The following PRDM16 variants were observed in gnomAD, a reference collection of about 807,000 sequenced individuals.
The protein encoded by PRDM16 is histone-lysine N-methyltransferase PRDM16.
In PRDM16, 23 loss-of-function variants were observed where a neutral mutation model predicts 110.6. The ratio of observed to expected loss-of-function variants is 0.21; its 90% CI spans 0.15 to 0.29. The LOEUF is 0.29. Among genes scored for constraint, PRDM16 ranks in the 10% least tolerant of loss-of-function variants. The pLI, the probability that PRDM16 is intolerant of heterozygous loss-of-function variation, is 1.00. For missense variants in PRDM16, 1,615 were observed against 1,794.3 expected (o/e 0.90, Z 1.81); for synonymous variants, 799 against 781.8 (o/e 1.02, Z -0.37).
chr1:3,286,003 A>G (rs1330065897), intron 3 of PRDM16, among the ~76,000 whole-genome samples: 1 of 152,212 alleles, frequency 6.6e-6, no homozygotes, highest in Non-Finnish European at 1.5e-5. Flanking sequence ...TAAATTGATC[A>G]TATTGTGCTG....
At chr1:3,285,461 T>C (rs946089828) in intron 3 of PRDM16, among the ~76,000 whole-genome samples, 1 of 152,176 alleles carries the variant, frequency 6.6e-6, no homozygotes, top group Admixed American at 6.5e-5. Flanking sequence ...AGCCGCTGTG[T>C]CGCCCCCACT....
At chr1:3,311,454 G>T (rs572811026) in intron 3 of PRDM16, among the ~76,000 whole-genome samples, 3 of 152,316 alleles carry the variant, frequency 2.0e-5, no homozygotes, top group African/African-American at 7.2e-5. Context: ...ATCTGGCCCC[G>T]CCATGAAGCC....
intron 3 of PRDM16, among the ~76,000 whole-genome samples, chr1:3,335,631 A>ACACACACCCACACC (rs1642129843): frequency 2.6e-5 from 4 of 152,080 alleles, no homozygotes; most frequent in African/African-American, 9.6e-5. Context: ...ACACACACAC[A>ACACACACCCACACC]CACACACACA....
chr1:3,151,807 G>A (rs1643780286), intron 1 of PRDM16, among the ~76,000 whole-genome samples: 2 of 152,264 alleles, frequency 1.3e-5, no homozygotes, highest in Admixed American at 1.3e-4. Flanking sequence ...GGCAGGGTCA[G>A]CTTTCACCCT....
In PRDM16 at chr1:3,255,113, G is replaced by A. The variant is rs893774528; in HGVS notation, c.438+10976G>A. On this transcript the variant is annotated intron_variant, in intron 3 of 16. Transcript: ENST00000270722. This position sits in a 1 kb window ranked among gnomAD's most constrained non-coding sequence, Gnocchi z 4.7. ...AAAACTGGCTAGCCATATGTAGAAA[G>A]CTGAAACTGGATCCCTTCCTTACAC... Among the ~76,000 whole-genome samples the A allele has an allele frequency of 2.0e-5, 3 of 151,894 alleles. No individual in the cohort carries two copies. The highest frequency in any genetic ancestry group is 4.4e-5 in the Non-Finnish European group (3 of 67,980).
At chr1:3,302,981 G>A (rs888523273) in intron 3 of PRDM16, among the ~76,000 whole-genome samples, 2 of 151,986 alleles carry the variant, frequency 1.3e-5, no homozygotes, top group African/African-American at 4.8e-5. Flanking sequence ...GGTATAATGA[G>A]GCTCAACTGT....
At position 3,339,223 on chromosome 1, in the gene PRDM16, T is replaced by C. The variant is rs1450460699; in HGVS notation, c.439-45929T>C. On this transcript the variant is annotated intron_variant, in intron 3 of 16. Transcript: ENST00000270722. This position sits in a 1 kb window ranked among gnomAD's most constrained non-coding sequence, Gnocchi z 5.0. The stretch of plus-strand genomic sequence containing the variant: ...CTGCTGAAAGCCGAACCACGTTTTG[T>C]GGGATACTGCCCCCGAGGGAGACAG... 6.6e-6 allele frequency among the ~76,000 whole-genome samples: 1 copy of C among 152,080 alleles called. No homozygotes were observed. Among genetic ancestry groups the C allele is most frequent in the Non-Finnish European group, 1.5e-5 (1 of 68,002 alleles).
chr1:3,113,547 C>T (rs1202566387), intron 1 of PRDM16, among the ~76,000 whole-genome samples: 1 of 152,182 alleles, frequency 6.6e-6, no homozygotes, highest in South Asian at 2.1e-4. Flanking sequence ...GAGGCCTGAG[C>T]CAGCGGGAGG....
intron 4 of PRDM16, among the ~76,000 whole-genome samples, chr1:3,391,209 C>A (rs116102251): frequency 6.6e-6 from 1 of 152,088 alleles, no homozygotes; most frequent in African/African-American, 2.4e-5. Context: ...TCCCACCATG[C>A]GACACAGTTT....
intron 1 of PRDM16, among the ~76,000 whole-genome samples, chr1:3,094,879 G>A (rs1204607639): frequency 6.8e-6 from 1 of 146,116 alleles, no homozygotes; most frequent in Non-Finnish European, 1.5e-5. Context: ...ATGAGTGCCA[G>A]GTGTGTCTTC....
At chr1:3,276,868 C>T (rs1032772436) in intron 3 of PRDM16, among the ~76,000 whole-genome samples, 8 of 152,184 alleles carry the variant, frequency 5.3e-5, no homozygotes, top group African/African-American at 1.2e-4. Context: ...GGAAAGAGAG[C>T]GAGCCCTAAA....
intron 1 of PRDM16, among the ~76,000 whole-genome samples, chr1:3,084,235 G>T (rs1642097596): frequency 6.6e-6 from 1 of 152,200 alleles, no homozygotes; most frequent in Non-Finnish European, 1.5e-5. Flanking sequence ...TACCCCTCGG[G>T]TGGGGCAGGT....
chr1:3,301,991 G>A (rs540259245), intron 3 of PRDM16, among the ~76,000 whole-genome samples: 62 of 152,176 alleles, frequency 4.1e-4, no homozygotes, highest in Non-Finnish European at 7.9e-4. Context: ...ACATGAGAGT[G>A]CAGTTTGTTC....
intron 1 of PRDM16, among the ~76,000 whole-genome samples, chr1:3,151,771 C>T (rs531201123): frequency 7.9e-5 from 12 of 152,342 alleles, no homozygotes; most frequent in African/African-American, 2.2e-4. Context: ...TCTCCACTCC[C>T]GGAGAAGAGA....
chr1:3,314,077 G>GT lies in PRDM16; in HGVS notation c.438+69940_438+69941insT, dbSNP rs1557600964. 1.9e-4 allele frequency among the ~76,000 whole-genome samples: 29 copies of GT among 151,036 alleles called. 3 individuals are homozygous for GT. Among genetic ancestry groups the GT allele is most frequent in the African/African-American group, 2.7e-4 (11 of 40,566 alleles). On this transcript the variant is annotated intron_variant, in intron 3 of 16. Coordinates refer to ENST00000270722, the MANE Select transcript of PRDM16 (RefSeq NM_022114.4). ...GAATGCCGTCCTTCCCCACCGGGGG[G>GT]GGGGGCGGGAACATAAAATGGACCC...
Position 3,201,979 on chromosome 1 carries a change from T to C in PRDM16, c.387+15505T>C, listed in dbSNP as rs1638640033. On this transcript the variant is annotated intron_variant, in intron 2 of 16. Transcript: ENST00000270722. This position sits in a 1 kb window ranked among gnomAD's most constrained non-coding sequence, Gnocchi z 4.1. Reference sequence around the variant, plus strand: ...CTTCAGTGGTGCCCGTACATAATAGTGGGTCCCACACGTCCATGAGGCAGG... The same window carrying C: ...CTTCAGTGGTGCCCGTACATAATAGCGGGTCCCACACGTCCATGAGGCAGG... 6.6e-6 allele frequency among the ~76,000 whole-genome samples: 1 copy of C among 152,176 alleles called. No individual in the cohort carries two copies. The highest frequency in any genetic ancestry group is 1.5e-5 in the Non-Finnish European group (1 of 68,038).
intron 1 of PRDM16, among the ~76,000 whole-genome samples, chr1:3,096,069 G>A (rs1478365973): frequency 1.3e-5 from 2 of 152,118 alleles, no homozygotes; most frequent in African/African-American, 4.8e-5. Context: ...CTGGCTGCCT[G>A]TCACCCCTGG....
chr1:3,413,365 G>T (rs946627322), intron 9 of PRDM16, among the ~76,000 whole-genome samples: 1 of 152,124 alleles, frequency 6.6e-6, no homozygotes, highest in Non-Finnish European at 1.5e-5. Flanking sequence ...GGGAGGAGGA[G>T]GCGAGGGATG....
intron 1 of PRDM16, among the ~76,000 whole-genome samples, chr1:3,176,156 C>T (rs1243797899): frequency 1.3e-5 from 1 of 79,748 alleles, no homozygotes; most frequent in Admixed American, 1.6e-4. Context: ...TTCATCTATC[C>T]ATCCATCCAT....
Sources: allele counts gnomAD v4.1 joint callset (sites outside exome capture counted in the v4.1 genomes callset), GRCh38; gene constraint gnomAD v4.1.1; non-coding constraint Gnocchi (gnomAD v3.1); transcripts MANE v1.5; gene names NCBI Gene and HGNC (gene_info 2026-07-23, HGNC 2026-07-21).